The following DOK1 variants were observed in gnomAD, a reference collection of about 807,000 sequenced individuals.
DOK1 encodes the protein docking protein 1, also known as Downstream of tyrosine kinase 1.
In DOK1, 12 loss-of-function variants were observed where a neutral mutation model predicts 24.0. The observed-to-expected ratio is 0.50, with a 90% CI of 0.32 to 0.81. The LOEUF is 0.81. DOK1 is among the 30% of genes least tolerant of loss of function. DOK1 has a pLI of 0.03. For missense variants in DOK1, 591 were observed against 620.7 expected (o/e 0.95, Z 0.51); for synonymous variants, 250 against 260.9 (o/e 0.96, Z 0.40).
At chr2:74,553,688 C>T (rs957047356), upstream of DOK1, among the ~76,000 whole-genome samples, 1 of 152,154 alleles carries the variant, frequency 6.6e-6, no homozygotes, top group African/African-American at 2.4e-5. Flanking sequence ...TGTTCGAACA[C>T]CCGTAGCCCC....
chr2:74,555,402 C>A lies in DOK1; in HGVS notation c.309C>A (p.Asp103Glu). Residue 103 changes from aspartate (D) to glutamate (E), a missense_variant, in exon 2 of 5, where the codon GAC (aspartate) becomes GAA (glutamate). Coordinates refer to ENST00000233668, the MANE Select transcript of DOK1 (RefSeq NM_001381.5). This position sits in a 1 kb window ranked among gnomAD's most constrained non-coding sequence, Gnocchi z 6.1. ...AGCGCTCGCACCTGCTGGCGGCCGA[C>A]GCGCCGTCCAGTGCAGCCTGGGTGC... ...TAQRSHLLAA[D>E]APSSAAWVQT... 1 of 1,611,570 alleles carries A rather than the reference C, an allele frequency of 6.2e-7. No individual in the cohort carries two copies. Among genetic ancestry groups the A allele is most frequent in the Non-Finnish European group, 8.5e-7 (1 of 1,179,416 alleles).
chr2:74,556,309 T>C lies in DOK1; in HGVS notation c.641T>C (p.Val214Ala), dbSNP rs1490945333. 6.2e-7 allele frequency: 1 copy of C among 1,611,868 alleles called. No homozygotes were observed. Among genetic ancestry groups the C allele is most frequent in the Admixed American group, 1.7e-5 (1 of 59,994 alleles). Residue 214 changes from valine (V) to alanine (A), a missense_variant and splice_region_variant, in exon 5 of 5, where the codon GTC becomes GCC. Physicochemically the swap from Val to Ala is moderately conservative, Grantham distance 64. Transcript: ENST00000233668. This position sits in a 1 kb window ranked among gnomAD's most constrained non-coding sequence, Gnocchi z 4.1. ...TGTTTCCCCCTCTACCCTCCTTAGG[T>C]CATGTTCTCTTTCGAGGCCGGCCGC... ...TLLRRYGRDK[V>A]MFSFEAGRRC...
Position 74,549,352 on chromosome 2 carries a change from C to G in DOK1, c.-358+180C>G, listed in dbSNP as rs371714212. 6.4e-7 allele frequency: 1 copy of G among 1,555,044 alleles called. No individual in the cohort carries two copies. Among genetic ancestry groups the G allele is most frequent in the Non-Finnish European group, 8.7e-7 (1 of 1,148,202 alleles). Reference sequence around the variant, plus strand: ...CCCAATCCCGGCCTGCTCCGCCCGGCGCCCGCGGCCCCTCACCTGTAGAAG... The same window carrying G: ...CCCAATCCCGGCCTGCTCCGCCCGGGGCCCGCGGCCCCTCACCTGTAGAAG... On this transcript the variant is annotated intron_variant, in intron 1 of 4. Transcript: ENST00000409429. The surrounding 1 kb of genome is among the most constrained non-coding windows in gnomAD (Gnocchi z 5.3).
chr2:74,554,772 G>A lies in DOK1; in HGVS notation c.18G>A (p.Met6Ile), dbSNP rs1230695830. 3 of 1,613,906 alleles carry A rather than the reference G, an allele frequency of 1.9e-6. No homozygotes were observed. The highest frequency in any genetic ancestry group is 2.7e-5 in the African/African-American group (2 of 74,942). MDGAV[M>I]EGPLFLQSQR... ...CGGGGGCCATGGACGGAGCAGTGAT[G>A]GAAGGGCCGCTTTTTTTGCAGAGTC... Residue 6 changes from methionine (M) to isoleucine (I), a missense_variant, in exon 1 of 5, where the codon ATG (methionine) becomes ATA (isoleucine). Physicochemically the swap from Met to Ile is conservative, Grantham distance 10. Coordinates refer to ENST00000233668, the MANE Select transcript of DOK1 (RefSeq NM_001381.5). The surrounding 1 kb of genome is among the most constrained non-coding windows in gnomAD (Gnocchi z 4.9).
rs372856866 is a variant in DOK1 at position 74,555,985 on chromosome 2, GCTGACTCTCCT to G, written c.547_557del (p.Leu183AspfsTer54). 1 of 1,613,984 alleles carries G rather than the reference GCTGACTCTCCT, an allele frequency of 6.2e-7. No individual in the cohort carries two copies. Among genetic ancestry groups the G allele is most frequent in the Non-Finnish European group, 8.5e-7 (1 of 1,179,942 alleles). ...ACGTGCTGAGGGTGGAGGCTGAAAG[GCTGACTCTCCT>G]GACCGTGGGGGCCCAGAGTCAGATA... On this transcript the variant is annotated frameshift_variant, in exon 4 of 5. Coordinates refer to ENST00000233668, the MANE Select transcript of DOK1 (RefSeq NM_001381.5). LOFTEE classifies it high-confidence loss of function. The surrounding 1 kb of genome is among the most constrained non-coding windows in gnomAD (Gnocchi z 6.1).
upstream of DOK1, chr2:74,552,238 T>C (rs763962111): frequency 1.9e-5 from 25 of 1,302,324 alleles, no homozygotes; most frequent in East Asian, 9.4e-5. Flanking sequence ...TGTGTCCCTA[T>C]GGCTGTGCCA....
Position 74,556,459 on chromosome 2 carries a change from T to C in DOK1, c.791T>C (p.Val264Ala). Residue 264 changes from valine to alanine, a missense_variant, in exon 5 of 5, where the codon GTT becomes GCT. Transcript: ENST00000233668. This position sits in a 1 kb window ranked among gnomAD's most constrained non-coding sequence, Gnocchi z 4.1. ...GGAAAGGCCGGACAGGGGCACGATG[T>C]TCTCAGAGCTGACTCCCATGAAGGG... Reference protein sequence around the residue: ...AQGKAGQGHDVLRADSHEGEV... With the variant: ...AQGKAGQGHDALRADSHEGEV... 1.2e-6 allele frequency: 2 copies of C among 1,614,152 alleles called. No individual in the cohort carries two copies. The highest frequency in any genetic ancestry group is 1.7e-6 in the Non-Finnish European group (2 of 1,180,012).
At chr2:74,550,487 G>A, upstream of DOK1, 1 of 909,146 alleles carries the variant, frequency 1.1e-6, no homozygotes, top group Non-Finnish European at 1.6e-6. Flanking sequence ...AAGGGGTGGA[G>A]ACGGGACAGG....
chr2:74,555,008 T>C lies in DOK1; in HGVS notation c.61-146T>C. On this transcript the variant is annotated intron_variant, in intron 1 of 4. Coordinates refer to ENST00000233668, the MANE Select transcript of DOK1 (RefSeq NM_001381.5). This position sits in a 1 kb window ranked among gnomAD's most constrained non-coding sequence, Gnocchi z 6.1. The stretch of plus-strand genomic sequence containing the variant: ...GGGTTCTGGTCCTGGGGAGACGGAG[T>C]GGCATCGTCCTTGGGAAACTTCGCC... 1 of 1,364,258 alleles carries C rather than the reference T, an allele frequency of 7.3e-7. No individual in the cohort carries two copies. The highest frequency in any genetic ancestry group is 1.0e-6 in the Non-Finnish European group (1 of 998,202). 84.5% of individuals were successfully genotyped at this position (1,364,258 alleles called of 1,614,324 possible).
chr2:74,552,661 G>A (rs1289483413), upstream of DOK1: 1 of 1,507,102 alleles, frequency 6.6e-7, no homozygotes, highest in East Asian at 2.5e-5. Flanking sequence ...GTGCCCCAGA[G>A]ACAAAGTGTG....
rs1677453945 is a variant in DOK1, at chr2:74,556,226, T to C, written c.640-82T>C. The C allele has an allele frequency of 1.9e-6, 3 of 1,552,374 alleles. No homozygotes were observed. The highest frequency in any genetic ancestry group is 2.7e-5 in the African/African-American group (2 of 73,312). ...CTGTTCGCAGGTGGTCTCTTCTTTG[T>C]AGATACCCTAACTAGTGCAGGCGTG... On this transcript the variant is annotated intron_variant, in intron 4 of 4. Coordinates refer to ENST00000233668, the MANE Select transcript of DOK1 (RefSeq NM_001381.5). This position sits in a 1 kb window ranked among gnomAD's most constrained non-coding sequence, Gnocchi z 4.1.
upstream of DOK1, chr2:74,552,592 GC>G: frequency 8.8e-6 from 14 of 1,595,574 alleles, no homozygotes; most frequent in Non-Finnish European, 1.1e-5. Context: ...AGGCACAGCA[GC>G]AGCCCCCAGG....
At chr2:74,550,520 G>A (rs537647190), upstream of DOK1, among the ~76,000 whole-genome samples, 6 of 152,246 alleles carry the variant, frequency 3.9e-5, no homozygotes, top group South Asian at 1.0e-3. Context: ...GGAATAGGAA[G>A]GGGGCATAAG....
chr2:74,555,608 C>T lies in DOK1; in HGVS notation c.394C>T (p.Pro132Ser). ...GSWTLAPTDNPPKLSALEMLE... is the reference protein window; with the variant it reads ...GSWTLAPTDNSPKLSALEMLE... ...CTGGACTCTGGCGCCTACCGATAACCCACCTAAGCTTTCTGCCCTGGAGAT... is the reference window on the plus strand; with the variant it reads ...CTGGACTCTGGCGCCTACCGATAACTCACCTAAGCTTTCTGCCCTGGAGAT... Residue 132 changes from proline (P) to serine (S), a missense_variant, in exon 3 of 5, where the codon CCA (proline) becomes TCA (serine). Physicochemically the swap from Pro to Ser is moderately conservative, Grantham distance 74 (BLOSUM62 -1). Transcript: ENST00000233668. This position sits in a 1 kb window ranked among gnomAD's most constrained non-coding sequence, Gnocchi z 6.1. 1 of 1,614,214 alleles carries T rather than the reference C, an allele frequency of 6.2e-7. No homozygotes were observed. The highest frequency in any genetic ancestry group is 8.5e-7 in the Non-Finnish European group (1 of 1,180,042).
upstream of DOK1, chr2:74,552,689 G>T: frequency 6.9e-7 from 1 of 1,445,428 alleles, no homozygotes; most frequent in Non-Finnish European, 9.2e-7. Context: ...GAAACAGATT[G>T]AGTGGGGCCC....
In DOK1 at chr2:74,549,280, C is replaced by T. The variant is rs552201726; in HGVS notation, c.-358+108C>T. The T allele has an allele frequency of 4.3e-6, 6 of 1,391,730 alleles. No homozygotes were observed. Among genetic ancestry groups the T allele is most frequent in the South Asian group, 1.6e-5 (1 of 64,230 alleles). 86.2% of individuals were successfully genotyped at this position (1,391,730 alleles called of 1,614,324 possible). A position where few individuals can be genotyped will look rare whatever the true frequency, so the allele number is the denominator to read the frequency against. ...GTCCCGACCCCCGGGTCCTCCCGTG[C>T]CCCGGACCTGCTCAGATGTCTCCCA... On this transcript the variant is annotated intron_variant, in intron 1 of 4. Transcript: ENST00000409429. This position sits in a 1 kb window ranked among gnomAD's most constrained non-coding sequence, Gnocchi z 5.3.
In DOK1 at chr2:74,549,552, C is replaced by T; in HGVS notation, c.-358+380C>T. On this transcript the variant is annotated intron_variant, in intron 1 of 4. Transcript: ENST00000409429. The surrounding 1 kb of genome is among the most constrained non-coding windows in gnomAD (Gnocchi z 5.3). ...GCCCCACCCAACGGCGGGTCGAATT[C>T]GCACCTCCTCCACTTGCAGGTGATG... is the stretch of plus-strand genomic sequence containing the variant. 1 of 1,611,296 alleles carries T rather than the reference C, an allele frequency of 6.2e-7. No homozygotes were observed. Among genetic ancestry groups the T allele is most frequent in the Non-Finnish European group, 8.5e-7 (1 of 1,178,148 alleles).
upstream of DOK1, among the ~76,000 whole-genome samples, chr2:74,553,360 C>T (rs924207219): frequency 3.3e-5 from 5 of 152,214 alleles, no homozygotes; most frequent in Admixed American, 6.5e-5. Flanking sequence ...AACACGCAGG[C>T]TCTCAGATGC....
chr2:74,554,927 C>T lies in DOK1; in HGVS notation c.60+113C>T. ...AGAGCGGCGCCGGGAGTTGGAGAGC[C>T]TGTGACTTTCCCGTGAAGTTGCTTT... On this transcript the variant is annotated intron_variant, in intron 1 of 4. Transcript: ENST00000233668. The surrounding 1 kb of genome is among the most constrained non-coding windows in gnomAD (Gnocchi z 4.9). 2 of 1,532,012 alleles carry T rather than the reference C, an allele frequency of 1.3e-6. No individual in the cohort carries two copies. Among genetic ancestry groups the T allele is most frequent in the Non-Finnish European group, 1.8e-6 (2 of 1,127,222 alleles). The allele number at this position is 1,532,012 out of a possible 1,614,324, so 94.9% of individuals were successfully genotyped here. A position where few individuals can be genotyped will look rare whatever the true frequency, so the allele number is the denominator to read the frequency against.
Sources: allele counts gnomAD v4.1 joint callset (sites outside exome capture counted in the v4.1 genomes callset), GRCh38; gene constraint gnomAD v4.1.1; non-coding constraint Gnocchi (gnomAD v3.1); transcripts MANE v1.5; gene names NCBI Gene and HGNC (gene_info 2026-07-23, HGNC 2026-07-21).